The following DNAI4 variants were observed in gnomAD, a reference collection of about 807,000 sequenced individuals.
The protein encoded by DNAI4 is dynein axonemal intermediate chain 4, also known as WD repeat domain 78.
Under a neutral mutation model 105.8 loss-of-function variants are expected in DNAI4, and 85 were observed. That is an observed-to-expected ratio of 0.80 (90% CI 0.67 to 0.96). The LOEUF is 0.96. Among genes scored for constraint, DNAI4 ranks in the 40% least tolerant of loss-of-function variants. DNAI4 has a pLI of 0.00. For synonymous variants in DNAI4, 352 were observed against 331.5 expected (o/e 1.06, Z -0.67); for missense variants, 1,014 against 1,005.6 (o/e 1.01, Z -0.11).
intron 8 of DNAI4, among the ~76,000 whole-genome samples, chr1:66,841,762 C>T (rs1003682431): frequency 3.9e-5 from 6 of 152,156 alleles, no homozygotes; most frequent in African/African-American, 1.4e-4. Context: ...AAGTCCTTGA[C>T]AGTGGCAGTA....
At chr1:66,868,344 T>C (rs1646774053) in intron 6 of DNAI4, among the ~76,000 whole-genome samples, 2 of 152,228 alleles carry the variant, frequency 1.3e-5, no homozygotes, top group Admixed American at 1.3e-4. Flanking sequence ...ACTTTATATG[T>C]CAACCTGACT....
At chr1:66,827,518 A>G (rs1008724417) in intron 14 of DNAI4, among the ~76,000 whole-genome samples, 3 of 152,130 alleles carry the variant, frequency 2.0e-5, no homozygotes, top group Non-Finnish European at 4.4e-5. Flanking sequence ...AATAAGCTAT[A>G]GAGACTAGGT....
At chr1:66,820,341 T>A (rs1263959187) in intron 16 of DNAI4, among the ~76,000 whole-genome samples, 1 of 152,156 alleles carries the variant, frequency 6.6e-6, no homozygotes, top group African/African-American at 2.4e-5. Flanking sequence ...ATAATTGTAA[T>A]ACAAAGCATG....
chr1:66,890,840 A>G lies in DNAI4; in HGVS notation c.643+314T>C, dbSNP rs1557961755. The G allele has an allele frequency of 5.5e-6, 2 of 364,796 alleles. No individual in the cohort carries two copies. The highest frequency in any genetic ancestry group is 4.6e-5 in the African/African-American group (2 of 43,168). 22.6% of individuals were successfully genotyped at this position (364,796 alleles called of 1,614,324 possible). ...AAGAGGAAAAGAGGAAGAGGAAGAA[A>G]AGGAAGAGGAAGAAGAAGAGGAAGA... On this transcript the variant is annotated intron_variant, in intron 4 of 16. Coordinates refer to ENST00000371026, the MANE Select transcript of DNAI4 (RefSeq NM_024763.5). This position sits in a 1 kb window ranked among gnomAD's most constrained non-coding sequence, Gnocchi z 4.1.
At chr1:66,833,184 C>G (rs1258172051) in intron 13 of DNAI4, among the ~76,000 whole-genome samples, 1 of 152,106 alleles carries the variant, frequency 6.6e-6, no homozygotes, top group Admixed American at 6.5e-5. Context: ...GCAGCTAAAT[C>G]TGTCATTTTT....
Position 66,837,747 on chromosome 1 carries a change from CT to C in DNAI4, c.1543del (p.Arg515GlufsTer9), listed in dbSNP as rs1557910723. ...YGHFGFKEQK[R>X]GLACCWSIKN... The stretch of plus-strand genomic sequence containing the variant: ...TATTGACCAGCAGCAAGCCAGTCCT[CT>C]TTTTTGCTCTTTAAATCCAAAGTGC... On this transcript the variant is annotated frameshift_variant, in exon 10 of 17. Transcript: ENST00000371026. LOFTEE classifies it high-confidence loss of function. The C allele has an allele frequency of 6.2e-7, 1 of 1,609,806 alleles. No individual in the cohort carries two copies. The highest frequency in any genetic ancestry group is 1.1e-5 in the South Asian group (1 of 89,384).
intron 3 of DNAI4, among the ~76,000 whole-genome samples, chr1:66,892,980 A>AGAG (rs1557964529): frequency 0.012 from 1,674 of 134,080 alleles, 39 homozygotes; most frequent in African/African-American, 0.015. Flanking sequence ...AAAGAAAGAA[A>AGAG]GAAAGAAAGA....
chr1:66,845,015 G>A lies in DNAI4; in HGVS notation c.1291+2469C>T, dbSNP rs1055495331. ...TCGAGACCAGCCTGACCAACACGGTGAAACCCGGTCTCTACTAAACTACAA... is the reference window on the plus strand; with the variant it reads ...TCGAGACCAGCCTGACCAACACGGTAAAACCCGGTCTCTACTAAACTACAA... On this transcript the variant is annotated intron_variant, in intron 8 of 16. Coordinates refer to ENST00000371026, the MANE Select transcript of DNAI4 (RefSeq NM_024763.5). Among the ~76,000 whole-genome samples, 3 of 151,876 alleles carry A rather than the reference G, an allele frequency of 2.0e-5. No individual in the cohort carries two copies. In the East Asian group the frequency reaches 5.8e-4, roughly 30 times the overall value.
At chr1:66,839,370 C>G (rs1303725961) in intron 9 of DNAI4, among the ~76,000 whole-genome samples, 1 of 152,118 alleles carries the variant, frequency 6.6e-6, no homozygotes, top group Non-Finnish European at 1.5e-5. Context: ...TACTTCGTTA[C>G]AAAATAATAC....
chr1:66,913,564 G>A (rs1271453150), intron 1 of DNAI4, among the ~76,000 whole-genome samples: 1 of 152,082 alleles, frequency 6.6e-6, no homozygotes, highest in Non-Finnish European at 1.5e-5. Flanking sequence ...GCCCTGCAGG[G>A]AAATCCCCAA....
intron 15 of DNAI4, among the ~76,000 whole-genome samples, chr1:66,825,555 G>A (rs1645735685): frequency 6.6e-6 from 1 of 152,210 alleles, no homozygotes; most frequent in Non-Finnish European, 1.5e-5. Flanking sequence ...TTTTGAACAA[G>A]AAGTTTTCCT....
At chr1:66,818,773 C>T (rs983673254) in intron 16 of DNAI4, among the ~76,000 whole-genome samples, 3 of 151,998 alleles carry the variant, frequency 2.0e-5, no homozygotes, top group Non-Finnish European at 4.4e-5. Context: ...ATTAGCCAGG[C>T]GTGGTGGTGG....
At position 66,827,103 on chromosome 1, in the gene DNAI4, C is replaced by G. The variant is rs1645772227; in HGVS notation, c.2113-57G>C. The stretch of plus-strand genomic sequence containing the variant: ...AATATTTAACATCTTTTATTTTAAA[C>G]TTGACCAGCAAATTAAAAATGCTAA... On this transcript the variant is annotated intron_variant, in intron 14 of 16. Transcript: ENST00000371026. 4.9e-6 allele frequency: 7 copies of G among 1,415,012 alleles called. 1 individual carries two copies. The Admixed American group carries it at 1.3e-4, about 26-fold the overall frequency. 87.7% of individuals were successfully genotyped at this position (1,415,012 alleles called of 1,614,324 possible).
At chr1:66,889,650 C>T (rs963206930) in intron 4 of DNAI4, among the ~76,000 whole-genome samples, 2 of 152,078 alleles carry the variant, frequency 1.3e-5, no homozygotes, top group African/African-American at 4.8e-5. Context: ...TTCACCAGTC[C>T]CTCATTATCA....
At chr1:66,922,181 C>G (rs1465105104) in intron 1 of DNAI4, among the ~76,000 whole-genome samples, 1 of 152,100 alleles carries the variant, frequency 6.6e-6, no homozygotes, top group East Asian at 1.9e-4. Context: ...CCCACTTCAG[C>G]CTCATAAAGT....
chr1:66,840,903 G>C (rs928457979), intron 8 of DNAI4, among the ~76,000 whole-genome samples: 3 of 152,184 alleles, frequency 2.0e-5, no homozygotes, highest in Non-Finnish European at 4.4e-5. Flanking sequence ...CTCAGTAAAT[G>C]GGCCAGTGTA....
intron 10 of DNAI4, 105 bp from the exon 11 acceptor site, chr1:66,835,882 G>C: frequency 1.1e-6 from 1 of 928,750 alleles, no homozygotes; most frequent in Non-Finnish European, 1.7e-6. Context: ...TATGTGAGCA[G>C]AGTTAGCCCA....
At chr1:66,919,245 G>A (rs1198394000) in intron 1 of DNAI4, 4 of 250,032 alleles carry the variant, frequency 1.6e-5, no homozygotes, top group Non-Finnish European at 3.4e-5. Context: ...ACTGAGACCT[G>A]TCTCAAATTC....
rs781164608 is a variant in DNAI4 at position 66,827,860 on chromosome 1, A to G, written c.2064T>C (p.Cys688=). ...AGTATTGTTCATTATATGAACAAGA[A>G]CATTTGTGAATATGACCTTCTTCAG... ...AGTEEGHIHK[C]SCSYNEQYLD... is the part of the protein sequence containing the mutation. Residue 688 remains cysteine (C), a synonymous_variant, in exon 14 of 17, where the codon TGT becomes TGC. Coordinates refer to ENST00000371026, the MANE Select transcript of DNAI4 (RefSeq NM_024763.5). The G allele has an allele frequency of 1.2e-6, 2 of 1,608,768 alleles. No homozygotes were observed. The highest frequency in any genetic ancestry group is 2.2e-5 in the South Asian group (2 of 89,996).
Sources: gnomAD v4.1 joint callset for allele counts (sites outside exome capture counted in the v4.1 genomes callset) on GRCh38, gnomAD v4.1.1 for gene constraint, Gnocchi (gnomAD v3.1) non-coding constraint, MANE v1.5 for transcripts, NCBI Gene and HGNC (gene_info 2026-07-23, HGNC 2026-07-21) for gene names.